Variants in NREP observed in about 807,000 individuals in gnomAD.
NREP encodes the protein neuronal regeneration-related protein.
Under a neutral mutation model 8.6 loss-of-function variants are expected in NREP, and 5 were observed. That is an observed-to-expected ratio of 0.58 (90% CI 0.30 to 1.22). NREP has a LOEUF of 1.22. Ranked by LOEUF, NREP falls within the 50% of genes most tolerant of loss-of-function variation. The pLI, the probability that NREP is intolerant of heterozygous loss-of-function variation, is 0.07. For synonymous variants in NREP, 27 were observed against 28.0 expected, an observed-to-expected ratio of 0.96 and a Z score of 0.11; for missense variants, 86 against 82.5, an observed-to-expected ratio of 1.04 and a Z score of -0.17.
chr5:111,943,757 A>G (rs552978687), intron 2 of NREP, among the ~76,000 whole-genome samples: 3 of 152,122 alleles, frequency 2.0e-5, no homozygotes, highest in Non-Finnish European at 2.9e-5. Context: ...AGTAGAGGAA[A>G]CAAATAAATA....
intron 2 of NREP, among the ~76,000 whole-genome samples, chr5:111,897,686 C>G (rs1754543581): frequency 6.6e-6 from 1 of 152,056 alleles, no homozygotes; most frequent in Non-Finnish European, 1.5e-5. Context: ...TTACATTCTT[C>G]TTTTCCATGC....
chr5:111,945,635 A>G (rs1755956938), intron 2 of NREP, among the ~76,000 whole-genome samples: 1 of 152,040 alleles, frequency 6.6e-6, no homozygotes, highest in Non-Finnish European at 1.5e-5. Context: ...CTCAAAATAA[A>G]TTAACCACAA....
At chr5:111,746,655 A>G (rs1750025151) in intron 2 of NREP, among the ~76,000 whole-genome samples, 1 of 152,166 alleles carries the variant, frequency 6.6e-6, no homozygotes, top group Non-Finnish European at 1.5e-5. Context: ...TTTTAATCCT[A>G]TACAATTAGC....
intron 2 of NREP, among the ~76,000 whole-genome samples, chr5:111,736,672 T>C (rs72798061): frequency 0.069 from 10,558 of 152,170 alleles, 448 homozygotes; most frequent in East Asian, 0.2. Flanking sequence ...TCGGAATAAT[T>C]GAACAGTAAC....
intron 2 of NREP, among the ~76,000 whole-genome samples, chr5:111,902,706 CA>C (rs541052845): frequency 6.6e-6 from 1 of 152,110 alleles, no homozygotes; most frequent in Non-Finnish European, 1.5e-5. Context: ...AAAGCTTTAG[CA>C]GAAAAAATAC....
At chr5:111,901,269 T>C (rs1211146658) in intron 2 of NREP, among the ~76,000 whole-genome samples, 1 of 152,124 alleles carries the variant, frequency 6.6e-6, no homozygotes, top group Non-Finnish European at 1.5e-5. Context: ...TTACTTTTCT[T>C]AGAAGAAAAA....
At chr5:111,824,152 C>T (rs769708836) in intron 2 of NREP, among the ~76,000 whole-genome samples, 3 of 152,100 alleles carry the variant, frequency 2.0e-5, no homozygotes, top group Non-Finnish European at 2.9e-5. Context: ...GGGCGGATCA[C>T]GAGGTCAGGA....
intron 2 of NREP, among the ~76,000 whole-genome samples, chr5:111,779,891 A>AT (rs1469450528): frequency 2.6e-5 from 4 of 152,068 alleles, no homozygotes; most frequent in African/African-American, 4.8e-5. Flanking sequence ...TTAAATTGTG[A>AT]TTTTTTATTA....
intron 2 of NREP, among the ~76,000 whole-genome samples, chr5:111,953,286 G>A (rs1258997570): frequency 6.6e-6 from 1 of 152,132 alleles, no homozygotes; most frequent in East Asian, 1.9e-4. Context: ...AGCTGGTGCT[G>A]TGTGGCCATT....
intron 2 of NREP, among the ~76,000 whole-genome samples, chr5:111,778,283 T>G (rs956901321): frequency 6.6e-6 from 1 of 152,186 alleles, no homozygotes; most frequent in African/African-American, 2.4e-5. Flanking sequence ...GGTCTGAGAT[T>G]TATTGACAAC....
chr5:111,862,463 C>A (rs1753570543), intron 2 of NREP, among the ~76,000 whole-genome samples: 1 of 151,986 alleles, frequency 6.6e-6, no homozygotes, highest in South Asian at 2.1e-4. Flanking sequence ...CTACTGAGAC[C>A]TACAGGACAC....
chr5:111,778,965 G>A (rs1022399616), intron 2 of NREP, among the ~76,000 whole-genome samples: 1 of 152,048 alleles, frequency 6.6e-6, no homozygotes, highest in African/African-American at 2.4e-5. Flanking sequence ...GAATATCATA[G>A]AAGAACATCT....
At chr5:111,758,035 G>T, upstream of NREP, 3 of 985,490 alleles carry the variant, frequency 3.0e-6, no homozygotes, top group Non-Finnish European at 3.6e-6. Flanking sequence ...GCAGAAAATG[G>T]TGCCTGCGGC....
chr5:111,862,305 T>A (rs1323531541), intron 2 of NREP, among the ~76,000 whole-genome samples: 2 of 152,194 alleles, frequency 1.3e-5, no homozygotes, highest in Non-Finnish European at 2.9e-5. Flanking sequence ...GAAAACAGAC[T>A]GTCATTGAAA....
chr5:111,783,619 G>T (rs1353765385), intron 2 of NREP, among the ~76,000 whole-genome samples: 1 of 152,188 alleles, frequency 6.6e-6, no homozygotes, highest in African/African-American at 2.4e-5. Flanking sequence ...ATCTGAGGAA[G>T]TTTCCTACTA....
chr5:111,780,350 A>T (rs969288783), intron 2 of NREP, among the ~76,000 whole-genome samples: 2 of 152,296 alleles, frequency 1.3e-5, no homozygotes, highest in South Asian at 4.1e-4. Context: ...AATGAAAGGT[A>T]TTTAAAGTTT....
chr5:111,965,153 C>T (rs529431351), intron 2 of NREP, among the ~76,000 whole-genome samples: 31 of 152,072 alleles, frequency 2.0e-4, no homozygotes, highest in South Asian at 6.3e-4. Flanking sequence ...TGACTACACC[C>T]GGAGAGAGAA....
chr5:111,899,767 G>A (rs1328800175), intron 2 of NREP, among the ~76,000 whole-genome samples: 2 of 152,092 alleles, frequency 1.3e-5, no homozygotes, highest in Non-Finnish European at 2.9e-5. Context: ...CGTGCAAATA[G>A]AAACCAAAAT....
At chr5:111,901,518 A>T (rs774156292) in intron 2 of NREP, among the ~76,000 whole-genome samples, 14 of 152,112 alleles carry the variant, frequency 9.2e-5, no homozygotes, top group African/African-American at 1.2e-4. Flanking sequence ...AGAGGAAGTC[A>T]AATTGTTCCT....
Sources: gnomAD v4.1 joint callset for allele counts (sites outside exome capture counted in the v4.1 genomes callset) on GRCh38, gnomAD v4.1.1 for gene constraint, MANE v1.5 for transcripts, NCBI Gene and HGNC (gene_info 2026-07-23, HGNC 2026-07-21) for gene names.